The following TNIK variants were observed in gnomAD, a reference collection of about 807,000 sequenced individuals.
The protein encoded by TNIK is TRAF2 and NCK interacting kinase, also known as TRAF2 and NCK-interacting protein kinase.
Under a neutral mutation model 191.3 loss-of-function variants are expected in TNIK, and 49 were observed. That is an observed-to-expected ratio of 0.26 (90% CI 0.20 to 0.32). The LOEUF is 0.32. TNIK is among the 10% of genes least tolerant of loss of function. The pLI, the probability that TNIK is intolerant of heterozygous loss-of-function variation, is 1.00. For missense variants in TNIK, 1,155 were observed against 1,702.3 expected (o/e 0.68, Z 5.66); for synonymous variants, 594 against 600.9 (o/e 0.99, Z 0.17).
intron 23 of TNIK, among the ~76,000 whole-genome samples, chr3:171,092,358 ATGTCTACTTGGAGGTATTGACTC>A (rs1464896482): frequency 6.6e-6 from 1 of 152,194 alleles, no homozygotes; most frequent in Non-Finnish European, 1.5e-5. Flanking sequence ...GTGGCTCCAA[ATGTCTACTTGGAGGTATTGACTC>A]TGTCATAAAG....
At chr3:171,457,751 C>A (rs1728942089) in intron 1 of TNIK, among the ~76,000 whole-genome samples, 2 of 152,350 alleles carry the variant, frequency 1.3e-5, no homozygotes, top group African/African-American at 4.8e-5. Flanking sequence ...AGTTCCTGGT[C>A]CCCAAGCTAG....
intron 30 of TNIK, among the ~76,000 whole-genome samples, chr3:171,067,294 T>G (rs1303484742): frequency 6.6e-6 from 1 of 152,016 alleles, no homozygotes; most frequent in Non-Finnish European, 1.5e-5. Context: ...AATATATATA[T>G]AGGATTGTTT....
At chr3:171,128,627 A>T (rs1728804569) in intron 16 of TNIK, 87 bp downstream of exon 16, 1 of 1,443,584 alleles carries the variant, frequency 6.9e-7, no homozygotes, top group Admixed American at 2.5e-5. Context: ...CTGTGCCTGA[A>T]TCCATGTTAC....
intron 2 of TNIK, among the ~76,000 whole-genome samples, chr3:171,349,636 T>G (rs1336481426): frequency 6.6e-6 from 1 of 152,212 alleles, no homozygotes; most frequent in African/African-American, 2.4e-5. Context: ...ACTGCCTGTC[T>G]AGGGTCCTGT....
intron 1 of TNIK, among the ~76,000 whole-genome samples, chr3:171,398,514 C>T (rs1720519920): frequency 6.6e-6 from 1 of 152,176 alleles, no homozygotes; most frequent in Non-Finnish European, 1.5e-5. Context: ...ATCCAAACTC[C>T]TCTTGGTATG....
intron 7 of TNIK, among the ~76,000 whole-genome samples, chr3:171,186,180 G>C (rs1419017134): frequency 6.6e-6 from 1 of 152,210 alleles, no homozygotes. Flanking sequence ...ATATTGTCAA[G>C]TTGTCCCCTG....
At chr3:171,422,624 A>G (rs1723973013) in intron 1 of TNIK, among the ~76,000 whole-genome samples, 1 of 152,216 alleles carries the variant, frequency 6.6e-6, no homozygotes, top group African/African-American at 2.4e-5. Flanking sequence ...GCAAATACCT[A>G]CTATGTACTG....
chr3:171,148,039 C>T (rs954184087), intron 12 of TNIK, among the ~76,000 whole-genome samples: 2 of 152,082 alleles, frequency 1.3e-5, no homozygotes, highest in Non-Finnish European at 2.9e-5. Flanking sequence ...AATCAGAGAA[C>T]ATTGGGAAAG....
At chr3:171,355,242 C>T (rs1342582970) in intron 2 of TNIK, among the ~76,000 whole-genome samples, 1 of 152,128 alleles carries the variant, frequency 6.6e-6, no homozygotes, top group Non-Finnish European at 1.5e-5. Context: ...TGGCTTCAGG[C>T]ACCTCCTCCC....
At chr3:171,320,751 C>T (rs1367462162) in intron 2 of TNIK, among the ~76,000 whole-genome samples, 1 of 152,178 alleles carries the variant, frequency 6.6e-6, no homozygotes, top group East Asian at 1.9e-4. Flanking sequence ...CCATTTGGCC[C>T]TCATATTTCT....
chr3:171,313,997 C>T lies in TNIK; in HGVS notation c.123+55623G>A, dbSNP rs140040963. ...AGGCAGGAAGGAAGGCAGAGACCAG[C>T]GCTAATTTAAACATTCTATCCTGAA... is the stretch of plus-strand genomic sequence containing the variant. On this transcript the variant is annotated intron_variant, in intron 2 of 32. Coordinates refer to ENST00000436636, the MANE Select transcript of TNIK (RefSeq NM_015028.4). 6.3e-3 allele frequency among the ~76,000 whole-genome samples: 952 copies of T among 152,226 alleles called. 6 individuals carry two copies. The highest frequency in any genetic ancestry group is 0.027 in the South Asian group (128 of 4,814).
chr3:171,412,642 T>G (rs1157644648), intron 1 of TNIK, among the ~76,000 whole-genome samples: 1 of 152,216 alleles, frequency 6.6e-6, no homozygotes, highest in Non-Finnish European at 1.5e-5. Flanking sequence ...CCCAAGTTTA[T>G]ACTCCTAACC....
intron 13 of TNIK, 42 bp from the exon 14 acceptor site, chr3:171,139,598 AAG>A (rs768086434): frequency 6.3e-5 from 101 of 1,600,896 alleles, no homozygotes; most frequent in Non-Finnish European, 7.7e-5. Context: ...AACAGAAAGA[AAG>A]AGAGAAATGA....
chr3:171,227,308 T>G (rs1186667742), intron 3 of TNIK, among the ~76,000 whole-genome samples: 1 of 152,192 alleles, frequency 6.6e-6, no homozygotes, highest in Non-Finnish European at 1.5e-5. Flanking sequence ...TGCTCTATAA[T>G]GATAAGAATT....
chr3:171,134,999 G>C (rs1729781836), intron 15 of TNIK, among the ~76,000 whole-genome samples: 1 of 152,204 alleles, frequency 6.6e-6, no homozygotes, highest in Non-Finnish European at 1.5e-5. Flanking sequence ...AGGTGGAAGA[G>C]AGCTAGGTGA....
rs756352778 is a variant in TNIK at position 171,194,648 on chromosome 3, G to T, written c.307-13C>A. 6.2e-7 allele frequency: 1 copy of T among 1,604,418 alleles called. No individual in the cohort carries two copies. The highest frequency in any genetic ancestry group is 8.5e-7 in the Non-Finnish European group (1 of 1,175,866). On this transcript the variant is annotated splice_polypyrimidine_tract_variant and intron_variant, in intron 4 of 32. Coordinates refer to ENST00000436636, the MANE Select transcript of TNIK (RefSeq NM_015028.4). ...ACTCCATCACCAACTGGCAAAGGAA[G>T]CAAACAAGCCATTATTTTAATGATG... is the stretch of plus-strand genomic sequence containing the variant.
intron 18 of TNIK, among the ~76,000 whole-genome samples, chr3:171,118,848 C>A (rs1303386143): frequency 6.6e-6 from 1 of 152,120 alleles, no homozygotes; most frequent in African/African-American, 2.4e-5. Context: ...AGAATAAAAC[C>A]TAGGCAATAC....
rs749170308 is a variant in TNIK, at chr3:171,101,584, G to A, written c.2456C>T (p.Thr819Ile). 6.2e-7 allele frequency: 1 copy of A among 1,613,152 alleles called. No individual in the cohort carries two copies. Among genetic ancestry groups the A allele is most frequent in the East Asian group, 2.2e-5 (1 of 44,866 alleles). ...KELRELRIEE[T>I]NRPMKKVTDY... ...AGTCACCTTCTTCATTGGGCGGTTT[G>A]TTTCTTCAATCCGGAGTTCTCTTAG... Residue 819 changes from threonine to isoleucine, a missense_variant, in exon 22 of 33, where the codon ACA becomes ATA. This residue lies in a region of TNIK where 735 missense variants were observed against 848.0 expected (regional missense o/e 0.87). Transcript: ENST00000436636.
chr3:171,309,898 A>T (rs898800913), intron 2 of TNIK, among the ~76,000 whole-genome samples: 3 of 152,104 alleles, frequency 2.0e-5, no homozygotes, highest in Non-Finnish European at 4.4e-5. Flanking sequence ...TTTGCTTCCT[A>T]GTTGTCCTCT....
Sources: allele counts gnomAD v4.1 joint callset (sites outside exome capture counted in the v4.1 genomes callset), GRCh38; gene constraint gnomAD v4.1.1; regional missense constraint gnomAD v4.1.1; transcripts MANE v1.5; gene names NCBI Gene and HGNC (gene_info 2026-07-23, HGNC 2026-07-21).